The following MAP7 variants were observed in gnomAD, a reference collection of about 807,000 sequenced individuals.
MAP7 encodes the protein microtubule associated protein 7.
A neutral mutation model predicts 94.8 loss-of-function variants in MAP7; 52 were observed. That is an observed-to-expected ratio of 0.55 (90% CI 0.44 to 0.69). MAP7 has a LOEUF of 0.69. Among genes scored for constraint, MAP7 ranks in the 30% least tolerant of loss-of-function variants. MAP7 has a pLI of 0.00. For missense variants in MAP7, 940 were observed against 964.6 expected (o/e 0.97, Z 0.34); for synonymous variants, 350 against 357.0 (o/e 0.98, Z 0.22).
chr6:136,458,459 A>G (rs1463894685), intron 1 of MAP7, among the ~76,000 whole-genome samples: 1 of 152,104 alleles, frequency 6.6e-6, no homozygotes, highest in Non-Finnish European at 1.5e-5. Context: ...AAAGACTCTG[A>G]ATAGTCAAAT....
At chr6:136,524,134 C>T (rs529647562) in intron 1 of MAP7, among the ~76,000 whole-genome samples, 2 of 152,160 alleles carry the variant, frequency 1.3e-5, no homozygotes, top group East Asian at 1.9e-4. Context: ...ATCCCAGCTA[C>T]TCAGGAGGCT....
At chr6:136,403,715 A>C (rs1250408435) in intron 3 of MAP7, among the ~76,000 whole-genome samples, 5 of 152,214 alleles carry the variant, frequency 3.3e-5, no homozygotes, top group African/African-American at 7.2e-5. Flanking sequence ...GGGAGAAAAA[A>C]ATAATGGCTG....
chr6:136,523,993 C>A (rs1198087987), intron 1 of MAP7, among the ~76,000 whole-genome samples: 1 of 152,110 alleles, frequency 6.6e-6, no homozygotes, highest in African/African-American at 2.4e-5. Context: ...GTAATCCCAG[C>A]ACTTTGGGAG....
intron 1 of MAP7, among the ~76,000 whole-genome samples, chr6:136,480,641 CAAAAAAAA>C (rs769951186): frequency 1.2e-3 from 24 of 20,154 alleles, no homozygotes; most frequent in African/African-American, 2.7e-3. Context: ...GACTCTGCCT[CAAAAAAAA>C]AAAAAAAAAA....
At chr6:136,372,907 A>C (rs1035395540) in intron 7 of MAP7, among the ~76,000 whole-genome samples, 5 of 152,218 alleles carry the variant, frequency 3.3e-5, no homozygotes, top group Non-Finnish European at 7.3e-5. Flanking sequence ...TTAAATACTA[A>C]TGAAAGATGT....
intron 3 of MAP7, among the ~76,000 whole-genome samples, chr6:136,401,799 C>T (rs1326790002): frequency 6.6e-6 from 1 of 151,658 alleles, no homozygotes; most frequent in Non-Finnish European, 1.5e-5. Flanking sequence ...AAAAAAGAAA[C>T]CCTGTCTCTA....
intron 2 of MAP7, among the ~76,000 whole-genome samples, chr6:136,414,193 C>A (rs62431308): frequency 0.098 from 6,862 of 69,784 alleles, no homozygotes; most frequent in Admixed American, 0.14. Flanking sequence ...GCGGAGCTTG[C>A]AGTGAGCCGA....
At chr6:136,398,940 C>A (rs1783289931) in intron 3 of MAP7, among the ~76,000 whole-genome samples, 1 of 152,166 alleles carries the variant, frequency 6.6e-6, no homozygotes, top group Non-Finnish European at 1.5e-5. Context: ...TCTGAACAGG[C>A]TTACTTCTGT....
intron 1 of MAP7, among the ~76,000 whole-genome samples, chr6:136,516,649 T>G (rs1041869687): frequency 1.3e-5 from 2 of 152,242 alleles, no homozygotes; most frequent in Non-Finnish European, 2.9e-5. Context: ...TTTAATTTGG[T>G]GCTTTCTCCA....
chr6:136,384,396 C>T (rs542382564), intron 5 of MAP7, among the ~76,000 whole-genome samples: 1 of 152,230 alleles, frequency 6.6e-6, no homozygotes, highest in East Asian at 1.9e-4. Context: ...AGCCACAGCT[C>T]TGTGCTTATG....
At chr6:136,421,277 A>C (rs1326864051) in intron 2 of MAP7, among the ~76,000 whole-genome samples, 1 of 152,262 alleles carries the variant, frequency 6.6e-6, no homozygotes, top group East Asian at 1.9e-4. Flanking sequence ...TAGTTTTTGA[A>C]AAAGTCACAA....
At chr6:136,459,025 T>C (rs1804303033) in intron 1 of MAP7, among the ~76,000 whole-genome samples, 1 of 152,104 alleles carries the variant, frequency 6.6e-6, no homozygotes, top group Non-Finnish European at 1.5e-5. Context: ...GTATTTAAAA[T>C]TTAAGGAACT....
chr6:136,414,486 T>G (rs1788704418), intron 2 of MAP7, among the ~76,000 whole-genome samples: 1 of 152,060 alleles, frequency 6.6e-6, no homozygotes, highest in Non-Finnish European at 1.5e-5. Flanking sequence ...AAGTTCTTGC[T>G]ATCATTTGTT....
intron 3 of MAP7, among the ~76,000 whole-genome samples, chr6:136,397,659 TG>T (rs1202585555): frequency 6.6e-6 from 1 of 152,120 alleles, no homozygotes; most frequent in Non-Finnish European, 1.5e-5. Context: ...GAGGACAAAG[TG>T]GCCCACTGGA....
intron 5 of MAP7, among the ~76,000 whole-genome samples, chr6:136,384,103 G>T (rs1433450912): frequency 1.3e-5 from 2 of 152,150 alleles, no homozygotes; most frequent in Admixed American, 6.5e-5. Context: ...AGCAAAAGAG[G>T]ACCATAAAAG....
intron 1 of MAP7, among the ~76,000 whole-genome samples, chr6:136,545,980 T>C (rs1829706649): frequency 6.6e-6 from 1 of 152,216 alleles, no homozygotes; most frequent in East Asian, 1.9e-4. Context: ...TCTGCTGTGC[T>C]ATCAAATAGT....
At chr6:136,437,191 T>C (rs967263960) in intron 1 of MAP7, among the ~76,000 whole-genome samples, 6 of 152,180 alleles carry the variant, frequency 3.9e-5, no homozygotes, top group African/African-American at 1.2e-4. Context: ...CCAGGAAGTG[T>C]TCTTCCACCC....
intron 1 of MAP7, among the ~76,000 whole-genome samples, chr6:136,426,761 G>T (rs1793290419): frequency 6.6e-6 from 1 of 152,206 alleles, no homozygotes; most frequent in African/African-American, 2.4e-5. Flanking sequence ...AGAGAAACTG[G>T]CTAAGGTCAA....
chr6:136,430,836 G>C (rs1184803705), intron 1 of MAP7, among the ~76,000 whole-genome samples: 2 of 151,852 alleles, frequency 1.3e-5, no homozygotes, highest in Non-Finnish European at 2.9e-5. Context: ...TTCTTTCTTA[G>C]AGCAGTTTTA....
Sources: allele counts gnomAD v4.1 joint callset (sites outside exome capture counted in the v4.1 genomes callset), GRCh38; gene constraint gnomAD v4.1.1; transcripts MANE v1.5; gene names NCBI Gene and HGNC (gene_info 2026-07-23, HGNC 2026-07-21).